CHMP3: variants seen among roughly 807,000 people sequenced by gnomAD.
The protein encoded by CHMP3 is charged multivesicular body protein 3, also known as 25.1 protein.
Under a neutral mutation model 27.4 loss-of-function variants are expected in CHMP3, and 8 were observed. The observed-to-expected ratio is 0.29, with a 90% CI of 0.17 to 0.53. CHMP3 has a LOEUF of 0.53. Among genes scored for constraint, CHMP3 ranks in the 20% least tolerant of loss-of-function variants. CHMP3 has a pLI of 0.96. For synonymous variants in CHMP3, 86 were observed against 85.5 expected, an observed-to-expected ratio of 1.01 and a Z score of -0.03; for missense variants, 208 against 271.5, an observed-to-expected ratio of 0.77 and a Z score of 1.64.
intron 3 of CHMP3, chr2:86,511,833 G>A (rs1191602419): frequency 6.6e-6 from 1 of 152,052 alleles, no homozygotes; most frequent in Non-Finnish European, 1.5e-5. Context: ...CTGAATTAGT[G>A]AAAATAAGTA....
At chr2:86,553,389 TG>T (rs1676987262) in intron 1 of CHMP3, among the ~76,000 whole-genome samples, 1 of 152,196 alleles carries the variant, frequency 6.6e-6, no homozygotes, top group Non-Finnish European at 1.5e-5. Context: ...TGGAGTGCAG[TG>T]GCACAATCTA....
chr2:86,553,185 T>C (rs971225178), intron 1 of CHMP3, among the ~76,000 whole-genome samples: 1 of 151,390 alleles, frequency 6.6e-6, no homozygotes, highest in African/African-American at 2.4e-5. Context: ...ACATACACCC[T>C]TGAACTTAAA....
intron 1 of CHMP3, among the ~76,000 whole-genome samples, chr2:86,552,037 C>G: frequency 6.6e-6 from 1 of 152,062 alleles, no homozygotes; most frequent in East Asian, 1.9e-4. Flanking sequence ...ACAAATCATA[C>G]CAGGATATAT....
chr2:86,525,344 T>A (rs1479627134), intron 3 of CHMP3, among the ~76,000 whole-genome samples: 1 of 152,178 alleles, frequency 6.6e-6, no homozygotes, highest in African/African-American at 2.4e-5. Context: ...TTTGCTGAAC[T>A]AAAACACCAC....
At chr2:86,538,475 T>A (rs1676233797) in intron 2 of CHMP3, among the ~76,000 whole-genome samples, 1 of 152,168 alleles carries the variant, frequency 6.6e-6, no homozygotes, top group Non-Finnish European at 1.5e-5. Context: ...CTAGTATGAC[T>A]CACTTATAAA....
At chr2:86,510,524 TAG>T (rs755646968) in intron 3 of CHMP3, 45 bp from the exon 4 acceptor site, 12 of 1,598,592 alleles carry the variant, frequency 7.5e-6, no homozygotes, top group Non-Finnish European at 1.0e-5. Context: ...CAGGATGGAA[TAG>T]AGAGAGACAG....
At chr2:86,555,508 A>AT (rs1168058051) in intron 1 of CHMP3, among the ~76,000 whole-genome samples, 3 of 150,960 alleles carry the variant, frequency 2.0e-5, no homozygotes. Flanking sequence ...CTCAAAAAAA[A>AT]AAATAAATAA....
chr2:86,551,637 A>C (rs1375718485), intron 1 of CHMP3, among the ~76,000 whole-genome samples: 2 of 152,174 alleles, frequency 1.3e-5, no homozygotes, highest in South Asian at 4.1e-4. Context: ...CCACTGCATT[A>C]GGAATTAGAG....
chr2:86,548,180 T>C (rs1473095847), intron 1 of CHMP3, among the ~76,000 whole-genome samples: 2 of 66,866 alleles, frequency 3.0e-5, no homozygotes, highest in African/African-American at 1.2e-4. Flanking sequence ...AGGAGTTCTC[T>C]TTTTTTTTTT....
chr2:86,506,270 G>T (rs1389266470), intron 5 of CHMP3, among the ~76,000 whole-genome samples: 1 of 152,036 alleles, frequency 6.6e-6, no homozygotes, highest in African/African-American at 2.4e-5. Flanking sequence ...TATTTTCTTG[G>T]AGTAACTGTC....
intron 1 of CHMP3, 56 bp downstream of exon 1, chr2:86,563,248 C>T (rs1677463697): frequency 1.3e-6 from 2 of 1,594,378 alleles, no homozygotes; most frequent in Admixed American, 3.4e-5. Flanking sequence ...CATTTACCAA[C>T]TTCACTACGC....
chr2:86,562,116 AAAT>A (rs1202136812), intron 1 of CHMP3: 1 of 152,254 alleles, frequency 6.6e-6, no homozygotes, highest in Non-Finnish European at 1.5e-5. Flanking sequence ...TTCCTGACGA[AAAT>A]AATGAGTGTC....
chr2:86,515,853 T>C (rs1045554399), intron 3 of CHMP3, among the ~76,000 whole-genome samples: 1 of 152,142 alleles, frequency 6.6e-6, no homozygotes, highest in East Asian at 1.9e-4. Flanking sequence ...TCCAGAACAT[T>C]TCTTTATTTA....
Position 86,563,380 on chromosome 2 carries a change from T to C in CHMP3, c.-32A>G. On this transcript the variant is annotated 5_prime_UTR_variant, in exon 1 of 6. Transcript: ENST00000263856. ...CTGAACCCGTCTTGCCCCTTCCGGC[T>C]TTCAGTTCCCCGCGCCCAGGCAGGT... 5.0e-6 allele frequency: 8 copies of C among 1,610,472 alleles called. No individual in the cohort carries two copies. In the South Asian group the frequency reaches 8.8e-5, roughly 18 times the overall value.
intron 4 of CHMP3, among the ~76,000 whole-genome samples, chr2:86,508,394 GTTCT>G (rs757126423): frequency 6.6e-6 from 1 of 152,152 alleles, no homozygotes; most frequent in Non-Finnish European, 1.5e-5. Context: ...CCTACTGAAT[GTTCT>G]TTGTTACTGA....
intron 1 of CHMP3, among the ~76,000 whole-genome samples, chr2:86,546,975 T>G (rs1383902510): frequency 2.0e-5 from 3 of 152,226 alleles, no homozygotes; most frequent in Non-Finnish European, 2.9e-5. Context: ...TTTTTAATTT[T>G]GAAAAAGTCC....
intron 2 of CHMP3, among the ~76,000 whole-genome samples, chr2:86,536,161 A>G (rs1264066083): frequency 6.6e-6 from 1 of 150,380 alleles, no homozygotes; most frequent in Admixed American, 6.6e-5. Context: ...ACGCCCGGCT[A>G]ATTTTTTTTT....
At chr2:86,517,181 A>T (rs1167702389) in intron 3 of CHMP3, among the ~76,000 whole-genome samples, 3 of 152,254 alleles carry the variant, frequency 2.0e-5, no homozygotes, top group Non-Finnish European at 4.4e-5. Context: ...ATACAAATGA[A>T]AAAAGGATAT....
chr2:86,532,676 CAATT>C (rs1358886310), intron 2 of CHMP3, among the ~76,000 whole-genome samples: 4 of 152,060 alleles, frequency 2.6e-5, no homozygotes, highest in African/African-American at 7.2e-5. Context: ...TTTTCTGCAT[CAATT>C]GAGATGATAA....
Sources: gnomAD v4.1 joint callset for allele counts (sites outside exome capture counted in the v4.1 genomes callset) on GRCh38, gnomAD v4.1.1 for gene constraint, MANE v1.5 for transcripts, NCBI Gene and HGNC (gene_info 2026-07-23, HGNC 2026-07-21) for gene names.